Variants in ANK2 observed in about 807,000 individuals in gnomAD.
ANK2 encodes ankyrin-2.
In ANK2, 83 loss-of-function variants were observed where a neutral mutation model predicts 360.5. The ratio of observed to expected loss-of-function variants is 0.23; its 90% CI spans 0.19 to 0.28. The LOEUF (loss-of-function observed/expected upper bound fraction) is 0.28, where lower values mean the gene tolerates loss of function less well. ANK2 is among the 10% of genes least tolerant of loss of function. ANK2 has a pLI of 1.00. For missense variants in ANK2, 4,201 were observed against 4,795.7 expected, an observed-to-expected ratio of 0.88 and a Z score of 3.66; for synonymous variants, 1,740 against 1,759.5, an observed-to-expected ratio of 0.99 and a Z score of 0.28.
At chr4:113,365,206 T>TGA (rs765765062) in intron 41 of ANK2, 24 bp downstream of exon 41, 1 of 1,181,744 alleles carries the variant, frequency 8.5e-7, no homozygotes, top group Non-Finnish European at 1.1e-6. Context: ...TGTGTATGTG[T>TGA]GTGTGTGTGT....
chr4:112,759,795 G>A, the ANK2 span, among the ~76,000 whole-genome samples: 60 of 152,072 alleles, frequency 3.9e-4, no homozygotes, highest in East Asian at 9.7e-3. Context: ...GTGCTTCTAC[G>A]TTCATATATA....
intron 2 of ANK2, among the ~76,000 whole-genome samples, chr4:112,977,132 GA>G (rs1454795988): frequency 2.6e-5 from 4 of 152,196 alleles, no homozygotes; most frequent in Admixed American, 6.5e-5. Context: ...TATGAAAAGA[GA>G]AAGTAGTAGG....
rs2096582696 is a variant in ANK2, at chr4:113,367,553, A to T, written c.11033-13A>T. ...TAAGCTTCAACTAAATACTTAAATCATTCTGCCTTTAGGGTTCTCGGTACT... is the reference window on the plus strand; with the variant it reads ...TAAGCTTCAACTAAATACTTAAATCTTTCTGCCTTTAGGGTTCTCGGTACT... On this transcript the variant is annotated splice_polypyrimidine_tract_variant and intron_variant, in intron 41 of 45. Transcript: ENST00000357077. 6.2e-7 allele frequency: 1 copy of T among 1,613,324 alleles called. No homozygotes were observed.
chr4:112,957,091 A>G (rs2095373704), intron 2 of ANK2, among the ~76,000 whole-genome samples: 1 of 141,242 alleles, frequency 7.1e-6, no homozygotes. Flanking sequence ...ATAGGACAAT[A>G]GTGGAGGGAA....
intron 1 of ANK2, among the ~76,000 whole-genome samples, chr4:113,098,425 T>C (rs28571834): frequency 0.48 from 72,777 of 151,124 alleles, 18,429 homozygotes; most frequent in African/African-American, 0.63. Context: ...ATAAATATTA[T>C]GCACAACAAC....
the ANK2 span, among the ~76,000 whole-genome samples, chr4:112,763,457 C>T: frequency 6.6e-6 from 1 of 151,662 alleles, no homozygotes; most frequent in African/African-American, 2.4e-5. Flanking sequence ...TGGTCTCGAT[C>T]TCCTGACCTC....
chr4:112,839,994 A>G (rs1284251132), intron 1 of ANK2, among the ~76,000 whole-genome samples: 1 of 152,138 alleles, frequency 6.6e-6, no homozygotes, highest in Non-Finnish European at 1.5e-5. Flanking sequence ...TTCATTCGAT[A>G]ATAATTGTGA....
At chr4:112,839,681 G>A (rs1283753727) in intron 1 of ANK2, among the ~76,000 whole-genome samples, 5 of 152,150 alleles carry the variant, frequency 3.3e-5, no homozygotes, top group Admixed American at 1.3e-4. Context: ...AAACATCAAA[G>A]AACAAGGAAG....
chr4:112,940,792 A>G (rs1003813304), intron 2 of ANK2, among the ~76,000 whole-genome samples: 9 of 152,156 alleles, frequency 5.9e-5, no homozygotes, highest in African/African-American at 2.2e-4. Flanking sequence ...TAGTTGAGGC[A>G]GCTTAAAGCT....
chr4:113,252,948 C>T (rs1207889131), intron 10 of ANK2, among the ~76,000 whole-genome samples: 2 of 152,190 alleles, frequency 1.3e-5, no homozygotes, highest in African/African-American at 4.8e-5. Context: ...TATTCACTCT[C>T]GATCCCTGCT....
chr4:112,753,180 G>A, the ANK2 span, among the ~76,000 whole-genome samples: 113,180 of 152,182 alleles, frequency 0.74, 42,921 homozygotes, highest in East Asian at 0.97. Context: ...TCCCGGACTC[G>A]AAGAATGAGT....
intron 2 of ANK2, among the ~76,000 whole-genome samples, chr4:113,177,980 C>T (rs993314459): frequency 2.0e-5 from 3 of 152,172 alleles, no homozygotes; most frequent in African/African-American, 7.2e-5. Flanking sequence ...TACATGTGTT[C>T]TAATTACAAT....
At chr4:113,283,135 G>A (rs541746096) in intron 18 of ANK2, among the ~76,000 whole-genome samples, 3 of 152,176 alleles carry the variant, frequency 2.0e-5, no homozygotes, top group Admixed American at 1.3e-4. Flanking sequence ...CTACATCCCC[G>A]CTTTCCTTGC....
chr4:113,192,085 T>G (rs967472563), intron 2 of ANK2, among the ~76,000 whole-genome samples: 6 of 152,182 alleles, frequency 3.9e-5, no homozygotes, highest in African/African-American at 1.2e-4. Context: ...AAATTTTACT[T>G]TAAGTTCTGG....
At chr4:113,141,239 A>G (rs1195802938) in intron 1 of ANK2, 2 of 152,220 alleles carry the variant, frequency 1.3e-5, no homozygotes, top group Non-Finnish European at 1.5e-5. Context: ...GCTCCTGGAT[A>G]TTAACAAAGA....
chr4:112,713,171 A>T, the ANK2 span, among the ~76,000 whole-genome samples: 1 of 152,154 alleles, frequency 6.6e-6, no homozygotes, highest in Non-Finnish European at 1.5e-5. Flanking sequence ...AGGTCCCTCT[A>T]AGTGTCTTGC....
intron 2 of ANK2, among the ~76,000 whole-genome samples, chr4:112,960,198 G>A (rs999606722): frequency 6.6e-6 from 1 of 152,122 alleles, no homozygotes; most frequent in South Asian, 2.1e-4. Flanking sequence ...CAGGAATATC[G>A]GGAGGTGCCA....
intron 4 of ANK2, among the ~76,000 whole-genome samples, chr4:113,216,548 CT>C (rs1432576722): frequency 6.6e-6 from 1 of 152,192 alleles, no homozygotes; most frequent in Non-Finnish European, 1.5e-5. Context: ...AGGGCATCAT[CT>C]TTTGAAAGCA....
At chr4:113,162,688 C>T (rs1432969380) in intron 1 of ANK2, among the ~76,000 whole-genome samples, 2 of 148,580 alleles carry the variant, frequency 1.3e-5, no homozygotes, top group Non-Finnish European at 3.0e-5. Context: ...CTCCCTGGGT[C>T]TACTTTTCCC....
Sources: gnomAD v4.1 joint callset for allele counts (sites outside exome capture counted in the v4.1 genomes callset) on GRCh38, gnomAD v4.1.1 for gene constraint, MANE v1.5 for transcripts, NCBI Gene and HGNC (gene_info 2026-07-23, HGNC 2026-07-21) for gene names.